The following TENM3 variants were observed in gnomAD, a reference collection of about 807,000 sequenced individuals.
TENM3 encodes the protein teneurin transmembrane protein 3.
Under a neutral mutation model 255.1 loss-of-function variants are expected in TENM3, and 63 were observed. The ratio of observed to expected loss-of-function variants is 0.25; its 90% confidence interval spans 0.20 to 0.30. TENM3 has a LOEUF of 0.30. Among genes scored for constraint, TENM3 ranks in the 10% least tolerant of loss-of-function variants. TENM3 has a pLI of 1.00. For missense variants in TENM3, 2,929 were observed against 3,461.1 expected (o/e 0.85, Z 3.86); for synonymous variants, 1,306 against 1,322.3 (o/e 0.99, Z 0.27).
chr4:182,553,880 CA>C (rs1487324104), intron 3 of TENM3, among the ~76,000 whole-genome samples: 2 of 152,146 alleles, frequency 1.3e-5, no homozygotes, highest in Admixed American at 6.5e-5. Context: ...TCTCAAAGCA[CA>C]AGACCCCTTA....
intron 3 of TENM3, among the ~76,000 whole-genome samples, chr4:182,398,178 A>G (rs1316346515): frequency 6.6e-6 from 1 of 152,128 alleles, no homozygotes; most frequent in African/African-American, 2.4e-5. Flanking sequence ...GCTCGCGTGG[A>G]GGGGACTTGA....
chr4:182,070,110 A>G, the TENM3 span, among the ~76,000 whole-genome samples: 4,578 of 152,250 alleles, frequency 0.03, 93 homozygotes, highest in Middle Eastern at 0.058. Flanking sequence ...AGTCTGCAAG[A>G]AATTCCAGGT....
the TENM3 span, among the ~76,000 whole-genome samples, chr4:181,710,431 C>T: frequency 3.3e-5 from 5 of 151,948 alleles, no homozygotes; most frequent in Non-Finnish European, 7.4e-5. Flanking sequence ...CAAAGAAATG[C>T]GGTAGGCTGG....
At chr4:181,670,063 A>G in the TENM3 span, among the ~76,000 whole-genome samples, 1 of 152,214 alleles carries the variant, frequency 6.6e-6, no homozygotes. Flanking sequence ...CCAAAAGTAT[A>G]TCTTAGCCAA....
At chr4:181,705,745 TTAAAA>T in the TENM3 span, among the ~76,000 whole-genome samples, 2 of 152,164 alleles carry the variant, frequency 1.3e-5, no homozygotes, top group Non-Finnish European at 2.9e-5. Context: ...ACCCCAGAAC[TTAAAA>T]TAAAAATAAA....
intron 1 of TENM3, among the ~76,000 whole-genome samples, chr4:182,252,202 A>T (rs188103248): frequency 6.6e-6 from 1 of 152,180 alleles, no homozygotes; most frequent in East Asian, 1.9e-4. Context: ...AAACAACAAA[A>T]AAATGTGGTT....
chr4:182,686,071 A>T (rs1049119906), intron 11 of TENM3, among the ~76,000 whole-genome samples: 1 of 152,080 alleles, frequency 6.6e-6, no homozygotes, highest in Admixed American at 6.5e-5. Flanking sequence ...CCTGTATACT[A>T]AATGACTGCT....
the TENM3 span, among the ~76,000 whole-genome samples, chr4:181,900,540 G>T: frequency 1.9e-4 from 29 of 152,110 alleles, no homozygotes; most frequent in African/African-American, 7.0e-4. Context: ...GTTCACAACA[G>T]ACATACCTAG....
At chr4:181,969,509 T>A in the TENM3 span, among the ~76,000 whole-genome samples, 3 of 152,216 alleles carry the variant, frequency 2.0e-5, no homozygotes, top group Admixed American at 6.5e-5. Flanking sequence ...GCAATATGCA[T>A]GACATATGAC....
At chr4:182,342,489 G>A (rs1179389936) in intron 2 of TENM3, among the ~76,000 whole-genome samples, 3 of 152,086 alleles carry the variant, frequency 2.0e-5, no homozygotes, top group African/African-American at 7.2e-5. Flanking sequence ...AAAATAGAAG[G>A]TAGCTGATAA....
the TENM3 span, among the ~76,000 whole-genome samples, chr4:181,756,811 G>A: frequency 6.6e-6 from 1 of 152,170 alleles, no homozygotes; most frequent in Non-Finnish European, 1.5e-5. Flanking sequence ...TTATGCTCAG[G>A]ACTGCCTAGC....
chr4:182,370,317 A>C (rs538838970), intron 3 of TENM3, among the ~76,000 whole-genome samples: 1 of 152,296 alleles, frequency 6.6e-6, no homozygotes, highest in South Asian at 2.1e-4. Flanking sequence ...TATCATGTCT[A>C]TGACAAATAG....
intron 26 of TENM3, among the ~76,000 whole-genome samples, chr4:182,794,792 T>C (rs943191381): frequency 6.6e-6 from 1 of 152,224 alleles, no homozygotes; most frequent in Non-Finnish European, 1.5e-5. Flanking sequence ...TTGCAAGCAT[T>C]ACTCTAGTTC....
At chr4:182,181,622 T>A (rs548640379) in intron 1 of TENM3, among the ~76,000 whole-genome samples, 24 of 152,356 alleles carry the variant, frequency 1.6e-4, no homozygotes, top group Non-Finnish European at 2.4e-4. Context: ...GTGGTAGATG[T>A]TTACTTTAAA....
the TENM3 span, among the ~76,000 whole-genome samples, chr4:181,826,192 G>A: frequency 2.0e-5 from 3 of 152,000 alleles, no homozygotes; most frequent in African/African-American, 7.3e-5. Flanking sequence ...TAAGAATGAT[G>A]TGTATTCACA....
At chr4:181,470,284 TA>T in the TENM3 span, among the ~76,000 whole-genome samples, 1 of 152,174 alleles carries the variant, frequency 6.6e-6, no homozygotes, top group East Asian at 1.9e-4. Context: ...TTGTGGAGAA[TA>T]AATTTGGAGT....
chr4:181,846,877 G>C, the TENM3 span, among the ~76,000 whole-genome samples: 5 of 152,182 alleles, frequency 3.3e-5, no homozygotes, highest in East Asian at 9.6e-4. Context: ...CACACTTTAA[G>C]AAATAATATT....
At chr4:182,215,571 C>T (rs535230034) in intron 1 of TENM3, among the ~76,000 whole-genome samples, 1 of 152,228 alleles carries the variant, frequency 6.6e-6, no homozygotes, top group East Asian at 1.9e-4. Flanking sequence ...ATTACGGAAA[C>T]AGTTATGGAG....
the TENM3 span, among the ~76,000 whole-genome samples, chr4:181,929,011 C>G: frequency 0.013 from 2,015 of 152,226 alleles, 29 homozygotes; most frequent in Non-Finnish European, 0.018. Context: ...GCCTACCTTA[C>G]AAGAGCTCCT....
Sources: gnomAD v4.1 joint callset for allele counts (sites outside exome capture counted in the v4.1 genomes callset) on GRCh38, gnomAD v4.1.1 for gene constraint, MANE v1.5 for transcripts, NCBI Gene and HGNC (gene_info 2026-07-23, HGNC 2026-07-21) for gene names.